Variants in NOD2 observed in about 807,000 individuals in gnomAD.
NOD2 encodes nucleotide binding oligomerization domain containing 2, also known as nucleotide-binding oligomerization domain-containing protein 2.
A neutral mutation model predicts 90.9 loss-of-function variants in NOD2; 86 were observed. The ratio of observed to expected loss-of-function variants is 0.95; its 90% CI spans 0.79 to 1.13. The LOEUF (loss-of-function observed/expected upper bound fraction) is 1.13. Among genes scored for constraint, NOD2 ranks in the 50% most tolerant of loss-of-function variants. The pLI, the probability that NOD2 is intolerant of heterozygous loss-of-function variation, is 0.00. For synonymous variants in NOD2, 581 were observed against 554.6 expected (o/e 1.05, Z -0.67); for missense variants, 1,238 against 1,283.8 (o/e 0.96, Z 0.55).
chr16:50,712,168 C>T lies in NOD2; in HGVS notation c.2176C>T (p.Arg726Trp), dbSNP rs749720540. 2.9e-5 allele frequency: 46 copies of T among 1,613,852 alleles called. No individual in the cohort carries two copies. Among genetic ancestry groups the T allele is most frequent in the Middle Eastern group, 1.6e-4 (1 of 6,082 alleles). The stretch of plus-strand genomic sequence containing the variant: ...GAGCCTGTACGAGATGCAGGAGGAG[C>T]GGCTGGCTCGGAAGGCTGCACGTGG... ...IRSLYEMQEERLARKAARGLN... is the reference protein window; with the variant it reads ...IRSLYEMQEEWLARKAARGLN... Residue 726 changes from arginine (R) to tryptophan (W), a missense_variant, in exon 4 of 12, where the codon CGG becomes TGG. By Grantham distance (101) the Arg-to-Trp change is moderately radical. Coordinates refer to ENST00000647318, the MANE Select transcript of NOD2 (RefSeq NM_001370466.1).
At chr16:50,709,859 A>G (rs988877206) in intron 3 of NOD2, 7 of 432,084 alleles carry the variant, frequency 1.6e-5, no homozygotes, top group Non-Finnish European at 2.8e-5. Flanking sequence ...AGAGTTTGCC[A>G]TGTCAGATAT....
intron 6 of NOD2, among the ~76,000 whole-genome samples, chr16:50,719,488 A>T (rs1964944532): frequency 6.7e-6 from 1 of 149,320 alleles, no homozygotes; most frequent in African/African-American, 2.5e-5. Context: ...CCCTCCAGCC[A>T]CCTGGACCTG....
rs537479574 is a variant in NOD2, at chr16:50,698,558, C to T, written c.-8-930C>T. Among the ~76,000 whole-genome samples the T allele has an allele frequency of 7.6e-4, 116 of 152,312 alleles. 1 individual carries two copies. The highest frequency in any genetic ancestry group is 2.6e-3 in the African/African-American group (107 of 41,562). On this transcript the variant is annotated intron_variant, in intron 1 of 11. Coordinates refer to ENST00000647318, the MANE Select transcript of NOD2 (RefSeq NM_001370466.1). ...ACACACAGCACGGGCTTGGGGCCCC[C>T]GTGGGGAACCCAAATGTAAGAGTTA...
At chr16:50,727,818 C>A in intron 10 of NOD2, 1 of 369,088 alleles carries the variant, frequency 2.7e-6, no homozygotes, top group South Asian at 2.2e-5. Flanking sequence ...GCATACTTCT[C>A]ATATGTAATG....
chr16:50,716,556 A>G (rs1372914025), intron 4 of NOD2, 31 bp from the exon 5 acceptor site: 3 of 1,598,668 alleles, frequency 1.9e-6, no homozygotes, highest in South Asian at 1.1e-5. Context: ...TACTAGCTCC[A>G]TTTTCAAATG....
chr16:50,720,031 G>A (rs1964981197), intron 7 of NOD2, 23 bp downstream of exon 7: 1 of 1,601,286 alleles, frequency 6.2e-7, no homozygotes, highest in Non-Finnish European at 8.6e-7. Flanking sequence ...CCAGGAAGAG[G>A]GACCTGCATG....
intron 9 of NOD2, among the ~76,000 whole-genome samples, chr16:50,724,577 A>G (rs1965200697): frequency 6.6e-6 from 1 of 152,170 alleles, no homozygotes; most frequent in Admixed American, 6.5e-5. Context: ...TGGTGTGATG[A>G]GGCATTTTCT....
chr16:50,706,140 A>C (rs776671456), intron 2 of NOD2, among the ~76,000 whole-genome samples: 43 of 152,236 alleles, frequency 2.8e-4, no homozygotes, highest in Admixed American at 7.9e-4. Context: ...GAAGGCTTCC[A>C]AGCTGAGAGG....
intron 4 of NOD2, among the ~76,000 whole-genome samples, chr16:50,713,937 G>A (rs1232949453): frequency 6.6e-6 from 1 of 152,196 alleles, no homozygotes; most frequent in Admixed American, 6.5e-5. Flanking sequence ...GTAGAGAAGG[G>A]GGAGAGTGGA....
chr16:50,728,323 T>G (rs546987982), intron 10 of NOD2: 31 of 389,642 alleles, frequency 8.0e-5, no homozygotes, highest in African/African-American at 6.4e-4. Context: ...CACTATACGT[T>G]AGTTAGCAGT....
At chr16:50,714,386 G>A (rs780647701) in intron 4 of NOD2, among the ~76,000 whole-genome samples, 1 of 152,144 alleles carries the variant, frequency 6.6e-6, no homozygotes, top group Non-Finnish European at 1.5e-5. Flanking sequence ...TAGGTTTGGG[G>A]TGGGGCCCAG....
intron 7 of NOD2, 152 bp downstream of exon 7, chr16:50,720,160 C>T: frequency 1.5e-6 from 1 of 668,380 alleles, no homozygotes; most frequent in East Asian, 2.7e-5. Flanking sequence ...CGGCCCTTGA[C>T]TGCCACCTTC....
intron 2 of NOD2, among the ~76,000 whole-genome samples, chr16:50,706,192 G>A (rs577054032): frequency 3.3e-4 from 50 of 152,302 alleles, no homozygotes; most frequent in Middle Eastern, 3.4e-3. Flanking sequence ...ATACCTGGTA[G>A]TTTTAGGAAA....
rs141833420 is a variant in NOD2 at position 50,707,852 on chromosome 16, T to C, written c.460-3T>C. 2,225 of 1,607,310 alleles carry C rather than the reference T, an allele frequency of 1.4e-3. 27 individuals carry two copies. In the African/African-American group the frequency reaches 0.026, roughly 19 times the overall value. ...AGAATAATGTCTTCTGCCTTTCCTG[T>C]AGGCAAGAAGGCTGCTTGATCTTGC... is the stretch of plus-strand genomic sequence containing the variant. On this transcript the variant is annotated splice_region_variant and splice_polypyrimidine_tract_variant and intron_variant, in intron 2 of 11. Coordinates refer to ENST00000647318, the MANE Select transcript of NOD2 (RefSeq NM_001370466.1).
rs5743264 is a variant in NOD2 at position 50,697,111 on chromosome 16, T to G, written c.-8-2377T>G. On this transcript the variant is annotated intron_variant, in intron 1 of 11. Transcript: ENST00000647318. ...CCAACTCTGGCCTCCGGCTTTTCCT[T>G]TGGGAATTTCCCTTGAAGGTGGGGT... 4.7e-6 allele frequency: 4 copies of G among 842,304 alleles called. No homozygotes were observed. In the South Asian group the frequency reaches 5.8e-5, roughly 12 times the overall value. The allele number at this position is 842,304 out of a possible 1,614,324, so 52.2% of individuals were successfully genotyped here. A position where few individuals can be genotyped will look rare whatever the true frequency, so the allele number is the denominator to read the frequency against.
rs959869589 is a variant in NOD2 at position 50,699,773 on chromosome 16, A to G, written c.278A>G (p.His93Arg). ...AQADSQSPKL[H>R]GCWDPHSLHP... The stretch of plus-strand genomic sequence containing the variant: ...GCCGACAGCCAGTCCCCCAAGCTGC[A>G]TGGCTGCTGGGACCCCCACTCGCTC... Residue 93 changes from histidine to arginine, a missense_variant, in exon 2 of 12, where the codon CAT becomes CGT. By Grantham distance (29) the His-to-Arg change is conservative. Coordinates refer to ENST00000647318, the MANE Select transcript of NOD2 (RefSeq NM_001370466.1). The G allele has an allele frequency of 2.5e-6, 4 of 1,613,742 alleles. No individual in the cohort carries two copies. In the South Asian group the frequency reaches 3.3e-5, roughly 13 times the overall value.
chr16:50,711,535 G>A lies in NOD2; in HGVS notation c.1543G>A (p.Gly515Ser), dbSNP rs1227896647. The change falls in exon 4 of 12, where the codon GGC (glycine) becomes AGC (serine). Residue 515 changes from glycine (G) to serine (S), a missense_variant. By Grantham distance (56) the Gly-to-Ser change is moderately conservative. Transcript: ENST00000647318. ...AGGTCTGGGACCCAGTCTTCTTCGGGGCCGCCTCCCCACCCTCCTGCACCT... is the reference window on the plus strand; with the variant it reads ...AGGTCTGGGACCCAGTCTTCTTCGGAGCCGCCTCCCCACCCTCCTGCACCT... Reference protein sequence around the residue: ...SQGLGPSLLRGRLPTLLHLGR... With the variant: ...SQGLGPSLLRSRLPTLLHLGR... The A allele has an allele frequency of 1.2e-6, 2 of 1,612,888 alleles. No individual in the cohort carries two copies. Among genetic ancestry groups the A allele is most frequent in the Non-Finnish European group, 8.5e-7 (1 of 1,179,994 alleles).
At chr16:50,726,617 A>G (rs929213916) in intron 10 of NOD2, among the ~76,000 whole-genome samples, 2 of 152,120 alleles carry the variant, frequency 1.3e-5, no homozygotes, top group Non-Finnish European at 2.9e-5. Flanking sequence ...AGGTGTGGAT[A>G]TGGCAGGTTT....
Position 50,711,686 on chromosome 16 carries a change from T to A in NOD2, c.1694T>A (p.Val565Glu). 1 of 1,613,834 alleles carries A rather than the reference T, an allele frequency of 6.2e-7. No individual in the cohort carries two copies. Among genetic ancestry groups the A allele is most frequent in the Non-Finnish European group, 8.5e-7 (1 of 1,179,976 alleles). Residue 565 changes from valine to glutamate, a missense_variant, in exon 4 of 12, where the codon GTG becomes GAG. Physicochemically the swap from Val to Glu is moderately radical, Grantham distance 121. Coordinates refer to ENST00000647318, the MANE Select transcript of NOD2 (RefSeq NM_001370466.1). ...TTCCTGGTGCGTGCCAAAGGTGTCG[T>A]GCCAGGGAGTACGGCGCCCCTGGAA... ...LGFLVRAKGVVPGSTAPLEFL... is the reference protein window; with the variant it reads ...LGFLVRAKGVEPGSTAPLEFL...
Sources: allele counts gnomAD v4.1 joint callset (sites outside exome capture counted in the v4.1 genomes callset), GRCh38; gene constraint gnomAD v4.1.1; transcripts MANE v1.5; gene names NCBI Gene and HGNC (gene_info 2026-07-23, HGNC 2026-07-21).